Variants in CRYBB2 observed in about 807,000 individuals in gnomAD.
CRYBB2 encodes beta-crystallin B2.
In CRYBB2, 12 loss-of-function variants were observed where a neutral mutation model predicts 24.3. The ratio of observed to expected loss-of-function variants is 0.49; its 90% CI spans 0.32 to 0.80. CRYBB2 has a LOEUF of 0.80. Ranked by LOEUF, CRYBB2 falls within the 30% of genes least tolerant of loss-of-function variation. The pLI, the probability that CRYBB2 is intolerant of heterozygous loss-of-function variation, is 0.04. For missense variants in CRYBB2, 198 were observed against 268.5 expected, an observed-to-expected ratio of 0.74 and a Z score of 1.83; for synonymous variants, 98 against 101.6, an observed-to-expected ratio of 0.96 and a Z score of 0.21.
chr22:25,219,259 C>T (rs771568838), upstream of CRYBB2, among the ~76,000 whole-genome samples: 16 of 152,128 alleles, frequency 1.1e-4, no homozygotes, highest in Non-Finnish European at 1.6e-4. Flanking sequence ...TGAATGAAGC[C>T]CAGACTCTGC....
At chr22:25,223,522 A>G (rs1374324035) in intron 2 of CRYBB2, among the ~76,000 whole-genome samples, 1 of 152,134 alleles carries the variant, frequency 6.6e-6, no homozygotes, top group Non-Finnish European at 1.5e-5. Flanking sequence ...ACTGGATGTA[A>G]CAGAGGACAC....
upstream of CRYBB2, among the ~76,000 whole-genome samples, chr22:25,218,707 G>GGA (rs765434004): frequency 5.2e-4 from 13 of 24,970 alleles, no homozygotes; most frequent in South Asian, 2.0e-3. Flanking sequence ...AGAGAGAGGG[G>GGA]GAGAGAGAGA....
intron 5 of CRYBB2, among the ~76,000 whole-genome samples, chr22:25,231,231 G>A (rs1275576177): frequency 6.6e-6 from 1 of 152,166 alleles, no homozygotes; most frequent in Non-Finnish European, 1.5e-5. Flanking sequence ...GCTGGGCTTG[G>A]AGGTGGGATA....
At chr22:25,215,298 A>T (rs1935154968), upstream of CRYBB2, among the ~76,000 whole-genome samples, 1 of 152,252 alleles carries the variant, frequency 6.6e-6, no homozygotes, top group Non-Finnish European at 1.5e-5. Flanking sequence ...AAACAATAAC[A>T]TGAGCAATCT....
At chr22:25,227,767 A>T in intron 3 of CRYBB2, 86 bp from the exon 4 acceptor site, 18 of 1,607,534 alleles carry the variant, frequency 1.1e-5, no homozygotes, top group Non-Finnish European at 1.4e-5. Context: ...AGTGAACCCT[A>T]GGGGTCAACA....
chr22:25,225,951 T>G (rs1935405536), intron 3 of CRYBB2, among the ~76,000 whole-genome samples: 1 of 152,248 alleles, frequency 6.6e-6, no homozygotes. Context: ...CATCTGACTT[T>G]CAGCTGCCTT....
upstream of CRYBB2, among the ~76,000 whole-genome samples, chr22:25,218,814 G>GAAAGAAAT (rs1555888312): frequency 3.2e-5 from 4 of 126,336 alleles, no homozygotes; most frequent in Admixed American, 1.5e-4. Context: ...AAGAAAGAAA[G>GAAAGAAAT]AAAGAAAGAA....
chr22:25,227,147 C>A (rs1190726486), intron 3 of CRYBB2, among the ~76,000 whole-genome samples: 3 of 152,198 alleles, frequency 2.0e-5, no homozygotes, highest in Non-Finnish European at 4.4e-5. Context: ...ACTGGTTGGT[C>A]CCAGAATGCT....
intron 2 of CRYBB2, among the ~76,000 whole-genome samples, chr22:25,223,640 C>A (rs562217319): frequency 5.3e-5 from 8 of 152,256 alleles, no homozygotes; most frequent in Admixed American, 2.6e-4. Context: ...TGCCTCTAAG[C>A]CCTGTGCCTT....
At chr22:25,216,412 T>G (rs934826368), upstream of CRYBB2, among the ~76,000 whole-genome samples, 4 of 152,144 alleles carry the variant, frequency 2.6e-5, no homozygotes, top group African/African-American at 9.7e-5. Flanking sequence ...GATGTGAAGA[T>G]ACAGGGAGAA....
chr22:25,215,602 C>T (rs1317683118), upstream of CRYBB2, among the ~76,000 whole-genome samples: 4 of 152,148 alleles, frequency 2.6e-5, no homozygotes, highest in African/African-American at 7.2e-5. Context: ...CTGGTCTTGG[C>T]ACCAAGGACC....
At chr22:25,213,440 C>G (rs747464336) in intron 1 of CRYBB2, 1 of 152,096 alleles carries the variant, frequency 6.6e-6, no homozygotes, top group South Asian at 2.1e-4. Context: ...TTGAAAACAA[C>G]GAAACTTATT....
intron 4 of CRYBB2, among the ~76,000 whole-genome samples, chr22:25,228,913 T>C (rs987613908): frequency 3.3e-5 from 5 of 152,172 alleles, no homozygotes; most frequent in East Asian, 1.9e-4. Flanking sequence ...CCTGTGCGTG[T>C]GTGTGTACAT....
At position 25,227,803 on chromosome 22, in the gene CRYBB2, A is replaced by G. The variant is rs753360380; in HGVS notation, c.174-50A>G. 11 of 1,612,970 alleles carry G rather than the reference A, an allele frequency of 6.8e-6. No homozygotes were observed. In the East Asian group the frequency reaches 2.5e-4, roughly 36 times the overall value. On this transcript the variant is annotated intron_variant, in intron 3 of 5. Coordinates refer to ENST00000398215, the MANE Select transcript of CRYBB2 (RefSeq NM_000496.3). ...TCAGTAGCCAGGATTCTGCCATAGG[A>G]AGCTTGGAGTGGAACTGACCTGCCC...
At chr22:25,218,775 GAGAGA>G (rs1477445942), upstream of CRYBB2, among the ~76,000 whole-genome samples, 6 of 22,312 alleles carry the variant, frequency 2.7e-4, no homozygotes, top group African/African-American at 5.9e-4. Context: ...GAGAGAGAGA[GAGAGA>G]AGAAAGAAAG....
At chr22:25,218,836 AAG>A (rs112772359), upstream of CRYBB2, among the ~76,000 whole-genome samples, 188 of 96,880 alleles carry the variant, frequency 1.9e-3, 4 homozygotes, top group East Asian at 5.1e-3. Flanking sequence ...GAAAGAAAGA[AAG>A]AGAAAGAAAG....
chr22:25,222,052 G>A (rs534336410), intron 2 of CRYBB2, among the ~76,000 whole-genome samples: 4 of 152,294 alleles, frequency 2.6e-5, no homozygotes, highest in East Asian at 1.9e-4. Context: ...ACCCAAGGGC[G>A]GCAGGATCTT....
chr22:25,213,839 C>T lies in CRYBB2; in HGVS notation c.-27+999C>T, dbSNP rs139245112. 9.1e-3 allele frequency among the ~76,000 whole-genome samples: 1,381 copies of T among 152,282 alleles called. 20 individuals carry two copies. Among genetic ancestry groups the T allele is most frequent in the South Asian group, 0.041 (196 of 4,816 alleles). On this transcript the variant is annotated intron_variant, in intron 1 of 5. Coordinates refer to the CRYBB2 transcript ENST00000651629. ...TATGCACCTGAACTTGTTGTCTTAGCGTCTGCTTCTGGTAGAGCCCAAATG... is the reference window on the plus strand; with the variant it reads ...TATGCACCTGAACTTGTTGTCTTAGTGTCTGCTTCTGGTAGAGCCCAAATG...
chr22:25,218,103 C>T (rs932104749), upstream of CRYBB2, among the ~76,000 whole-genome samples: 5 of 151,488 alleles, frequency 3.3e-5, no homozygotes, highest in Admixed American at 2.6e-4. Flanking sequence ...ACTAAAAATA[C>T]AAAAAATTAG....
Sources: allele counts gnomAD v4.1 joint callset (sites outside exome capture counted in the v4.1 genomes callset), GRCh38; gene constraint gnomAD v4.1.1; transcripts MANE v1.5; gene names NCBI Gene and HGNC (gene_info 2026-07-23, HGNC 2026-07-21).